MSRA: variants seen among roughly 807,000 people sequenced by gnomAD.
MSRA encodes mitochondrial peptide methionine sulfoxide reductase.
In MSRA, 54 loss-of-function variants were observed where a neutral mutation model predicts 31.3. The ratio of observed to expected loss-of-function variants is 1.73; its 90% CI spans 1.39 to 2.17. MSRA has a LOEUF of 2.17. Ranked by LOEUF, MSRA falls within the 30% of genes most tolerant of loss-of-function variation. The pLI is 0.00. For missense variants in MSRA, 507 were observed against 300.9 expected, an observed-to-expected ratio of 1.69 and a Z score of -5.07; for synonymous variants, 169 against 116.5, an observed-to-expected ratio of 1.45 and a Z score of -2.90.
At chr8:10,136,086 A>G (rs1202448991) in intron 1 of MSRA, among the ~76,000 whole-genome samples, 1 of 152,132 alleles carries the variant, frequency 6.6e-6, no homozygotes, top group East Asian at 1.9e-4. Flanking sequence ...ACTGTATTCT[A>G]TCCATTTTAA....
chr8:10,378,050 G>A (rs1393854124), intron 5 of MSRA, among the ~76,000 whole-genome samples: 2 of 152,250 alleles, frequency 1.3e-5, no homozygotes, highest in African/African-American at 4.8e-5. Context: ...CAGGCCAGCA[G>A]ATGTCTTTAT....
At chr8:10,091,892 C>T (rs1425084979) in intron 1 of MSRA, among the ~76,000 whole-genome samples, 1 of 152,126 alleles carries the variant, frequency 6.6e-6, no homozygotes, top group African/African-American at 2.4e-5. Flanking sequence ...CAGGTTTGAG[C>T]CACTGTGTCC....
At chr8:10,113,957 A>ACTCCTCATT (rs1000293071) in intron 1 of MSRA, among the ~76,000 whole-genome samples, 1 of 151,504 alleles carries the variant, frequency 6.6e-6, no homozygotes, top group Non-Finnish European at 1.5e-5. Flanking sequence ...TTTAGCACTC[A>ACTCCTCATT]CTCCTCATTC....
At chr8:10,231,622 G>T (rs1176583084) in intron 2 of MSRA, among the ~76,000 whole-genome samples, 1 of 152,222 alleles carries the variant, frequency 6.6e-6, no homozygotes, top group Non-Finnish European at 1.5e-5. Context: ...TGTGAAAAGG[G>T]TCGGGTGCAG....
chr8:10,191,651 A>G (rs540129636), intron 1 of MSRA, among the ~76,000 whole-genome samples: 8 of 152,324 alleles, frequency 5.3e-5, no homozygotes, highest in African/African-American at 1.9e-4. Flanking sequence ...TAAACCACAT[A>G]GAGATAGTCT....
chr8:10,187,606 A>G lies in MSRA; in HGVS notation c.143-20227A>G, dbSNP rs534195393. 4.0e-3 allele frequency among the ~76,000 whole-genome samples: 608 copies of G among 152,342 alleles called. 4 individuals carry two copies. The highest frequency in any genetic ancestry group is 0.014 in the Middle Eastern group (4 of 294). ...AATCTGAGAAATAAATAGGTGGGCTATCCACTGTAATGACAAGGCATGACT... is the reference window on the plus strand; with the variant it reads ...AATCTGAGAAATAAATAGGTGGGCTGTCCACTGTAATGACAAGGCATGACT... On this transcript the variant is annotated intron_variant, in intron 1 of 5. Transcript: ENST00000317173.
intron 1 of MSRA, among the ~76,000 whole-genome samples, chr8:10,111,190 C>G (rs774847009): frequency 3.2e-4 from 48 of 152,120 alleles, no homozygotes; most frequent in Admixed American, 1.3e-4. Context: ...TTCTTGGTAC[C>G]CATTACATGG....
intron 5 of MSRA, among the ~76,000 whole-genome samples, chr8:10,323,111 C>T (rs868104142): frequency 1.5e-5 from 2 of 129,060 alleles, no homozygotes; most frequent in East Asian, 5.1e-4. Flanking sequence ...AAAAAAAATG[C>T]AGAAGAGAGG....
At chr8:10,235,999 A>G (rs568863210) in intron 2 of MSRA, among the ~76,000 whole-genome samples, 35 of 152,328 alleles carry the variant, frequency 2.3e-4, no homozygotes, top group Middle Eastern at 6.8e-3. Context: ...TTAATGTAAT[A>G]TACTACCTTA....
chr8:10,268,505 T>C lies in MSRA; in HGVS notation c.331+23282T>C, dbSNP rs193091326. Among the ~76,000 whole-genome samples, 79 of 152,352 alleles carry C rather than the reference T, an allele frequency of 5.2e-4. 2 individuals are homozygous for C. Among genetic ancestry groups the C allele is most frequent in the Non-Finnish European group, 1.2e-4 (8 of 68,036 alleles). On this transcript the variant is annotated intron_variant, in intron 3 of 5. Transcript: ENST00000317173. ...TTCACAGCACCATCCTTCTCTTTTC[T>C]GACACTAATGATTTGTTTCCCATCT...
chr8:10,319,144 G>T (rs1370473502), intron 4 of MSRA, among the ~76,000 whole-genome samples: 1 of 152,108 alleles, frequency 6.6e-6, no homozygotes, highest in Non-Finnish European at 1.5e-5. Flanking sequence ...GCTGGTCTCT[G>T]TTTCCCCTGA....
At chr8:10,233,026 G>A (rs1342583430) in intron 2 of MSRA, among the ~76,000 whole-genome samples, 2 of 152,168 alleles carry the variant, frequency 1.3e-5, no homozygotes, top group East Asian at 3.8e-4. Context: ...GTGGTGACAG[G>A]TAAATTCATT....
At chr8:10,371,933 T>G (rs2129170431) in intron 5 of MSRA, among the ~76,000 whole-genome samples, 1 of 152,352 alleles carries the variant, frequency 6.6e-6, no homozygotes, top group East Asian at 1.9e-4. Context: ...AAGTCTTTCC[T>G]TACACATGAG....
chr8:10,211,891 A>T (rs1390744744), intron 2 of MSRA, among the ~76,000 whole-genome samples: 1 of 152,330 alleles, frequency 6.6e-6, no homozygotes, highest in South Asian at 2.1e-4. Context: ...TCATTGCCTT[A>T]AAAATACTCC....
In MSRA at chr8:10,096,055, G is replaced by GATTTT. The variant is rs528078766; in HGVS notation, c.142+41413_142+41417dup. 6 of 1,403,088 alleles carry GATTTT rather than the reference G, an allele frequency of 4.3e-6. No homozygotes were observed. In the Admixed American group the frequency reaches 1.1e-4, roughly 26 times the overall value. 86.9% of individuals were successfully genotyped at this position (1,403,088 alleles called of 1,614,324 possible). A position where few individuals can be genotyped will look rare whatever the true frequency, so the allele number is the denominator to read the frequency against. On this transcript the variant is annotated intron_variant, in intron 1 of 5. Coordinates refer to ENST00000317173, the MANE Select transcript of MSRA (RefSeq NM_012331.5). ...AATGTGTTCAGAACGTAAGTTTTTAGATTTTATTTTATTTTATTTTTAGAC... is the reference window on the plus strand; with the variant it reads ...AATGTGTTCAGAACGTAAGTTTTTAGATTTTATTTTATTTTATTTTATTTTTAGAC...
intron 1 of MSRA, among the ~76,000 whole-genome samples, chr8:10,174,193 T>C (rs1004868225): frequency 6.6e-6 from 1 of 152,146 alleles, no homozygotes; most frequent in Non-Finnish European, 1.5e-5. Context: ...TATTTGTTCC[T>C]GGATATTTTG....
chr8:10,254,138 G>T (rs1798057650), intron 3 of MSRA, among the ~76,000 whole-genome samples: 1 of 152,094 alleles, frequency 6.6e-6, no homozygotes, highest in Admixed American at 6.5e-5. Flanking sequence ...GCGTGGAATT[G>T]TGAAGTCTCT....
intron 1 of MSRA, among the ~76,000 whole-genome samples, chr8:10,193,848 G>A (rs1487695585): frequency 6.6e-6 from 1 of 152,104 alleles, no homozygotes; most frequent in African/African-American, 2.4e-5. Context: ...TGATTTACAT[G>A]TGCTGTATCT....
intron 1 of MSRA, among the ~76,000 whole-genome samples, chr8:10,196,372 T>C (rs1484648): frequency 0.52 from 78,354 of 151,696 alleles, 20,506 homozygotes; most frequent in South Asian, 0.61. Flanking sequence ...CGGTGGGCCT[T>C]ATGCCTTAAT....
Sources: allele counts gnomAD v4.1 joint callset (sites outside exome capture counted in the v4.1 genomes callset), GRCh38; gene constraint gnomAD v4.1.1; transcripts MANE v1.5; gene names NCBI Gene and HGNC (gene_info 2026-07-23, HGNC 2026-07-21).